The following HS3ST3A1 variants were observed in gnomAD, a reference collection of about 807,000 sequenced individuals.
HS3ST3A1 encodes heparan sulfate-glucosamine 3-sulfotransferase 3A1.
A neutral mutation model predicts 25.7 loss-of-function variants in HS3ST3A1; 19 were observed. The observed-to-expected ratio is 0.74, with a 90% CI of 0.52 to 1.08. HS3ST3A1 has a LOEUF of 1.08. HS3ST3A1 is among the 50% of genes least tolerant of loss of function. The pLI is 0.00. For missense variants in HS3ST3A1, 459 were observed against 594.3 expected (o/e 0.77, Z 2.37); for synonymous variants, 226 against 278.6 (o/e 0.81, Z 1.88).
chr17:13,533,933 T>G (rs374350188), intron 1 of HS3ST3A1, among the ~76,000 whole-genome samples: 5 of 152,214 alleles, frequency 3.3e-5, no homozygotes, highest in South Asian at 4.1e-4. Context: ...GAGAAAGAAA[T>G]TAGGATGAAT....
At chr17:13,577,867 G>GGTGTGTGTGTGTGTGT (rs202098377) in intron 1 of HS3ST3A1, among the ~76,000 whole-genome samples, 3 of 151,072 alleles carry the variant, frequency 2.0e-5, no homozygotes, top group South Asian at 2.1e-4. Flanking sequence ...AGCAGTTTCT[G>GGTGTGTGTGTGTGTGT]GTGTGTGTGT....
At chr17:13,500,825 C>G (rs1038311640) in intron 1 of HS3ST3A1, among the ~76,000 whole-genome samples, 1 of 152,162 alleles carries the variant, frequency 6.6e-6, no homozygotes, top group Admixed American at 6.5e-5. Context: ...TTCTTCTCCC[C>G]ATAGAACTCA....
In HS3ST3A1 at chr17:13,600,566, G is replaced by C; in HGVS notation, c.564C>G (p.Phe188Leu). ...CGAGGCCCTTGTCGTAGCTGCGGTC[G>C]AAGAAGTGGGGCTCGGCGCCCACGG... ...VRAVGAEPHF[F>L]DRSYDKGLAW... Residue 188 changes from phenylalanine (F) to leucine (L), a missense_variant, in exon 1 of 2, where the codon TTC becomes TTG. Transcript: ENST00000284110. 4 of 1,602,198 alleles carry C rather than the reference G, an allele frequency of 2.5e-6. No homozygotes were observed. Among genetic ancestry groups the C allele is most frequent in the Non-Finnish European group, 3.4e-6 (4 of 1,178,484 alleles).
At chr17:13,543,228 A>T (rs1207395629) in intron 1 of HS3ST3A1, among the ~76,000 whole-genome samples, 1 of 152,158 alleles carries the variant, frequency 6.6e-6, no homozygotes, top group African/African-American at 2.4e-5. Flanking sequence ...TCAGAGGTAT[A>T]CTAATCGCAA....
chr17:13,598,564 T>G (rs1908641129), intron 1 of HS3ST3A1, among the ~76,000 whole-genome samples: 1 of 152,244 alleles, frequency 6.6e-6, no homozygotes, highest in Non-Finnish European at 1.5e-5. Context: ...TAAATTGCTT[T>G]ACAAAACTCT....
At chr17:13,504,158 C>G (rs1905579881) in intron 1 of HS3ST3A1, among the ~76,000 whole-genome samples, 1 of 151,820 alleles carries the variant, frequency 6.6e-6, no homozygotes, top group Non-Finnish European at 1.5e-5. Flanking sequence ...CCAAAAAATA[C>G]AAAAATTAGC....
chr17:13,593,550 C>T (rs1003617801), intron 1 of HS3ST3A1, among the ~76,000 whole-genome samples: 20 of 152,040 alleles, frequency 1.3e-4, no homozygotes, highest in African/African-American at 4.6e-4. Flanking sequence ...AGGTGCGGGG[C>T]AGGGGAGGGG....
At chr17:13,554,647 C>T (rs1255151319) in intron 1 of HS3ST3A1, among the ~76,000 whole-genome samples, 2 of 152,162 alleles carry the variant, frequency 1.3e-5, no homozygotes. Flanking sequence ...CCAGACCTAC[C>T]AAGGCAATCT....
At chr17:13,507,121 A>G (rs982424147) in intron 1 of HS3ST3A1, among the ~76,000 whole-genome samples, 3 of 152,068 alleles carry the variant, frequency 2.0e-5, no homozygotes, top group East Asian at 1.9e-4. Flanking sequence ...GATGAAGTTC[A>G]TAGTCATGGA....
chr17:13,584,503 GAAGGAAGGAAGGAAAA>G (rs1413703941), intron 1 of HS3ST3A1, among the ~76,000 whole-genome samples: 8 of 141,588 alleles, frequency 5.7e-5, no homozygotes, highest in African/African-American at 1.1e-4. Flanking sequence ...GGGAGGCAAA[GAAGGAAGGAAGGAAAA>G]AAGGAAGGAA....
At position 13,506,431 on chromosome 17, in the gene HS3ST3A1, G is replaced by A. The variant is rs192061713; in HGVS notation, c.600-9613C>T. ...TAACTTGTCATATTTAGAGCTCTGC[G>A]TAGCATCATGCTGCTGTGCTCTGAA... On this transcript the variant is annotated intron_variant, in intron 1 of 1. Transcript: ENST00000284110. 1.1e-3 allele frequency among the ~76,000 whole-genome samples: 175 copies of A among 152,240 alleles called. 1 individual carries two copies. Among genetic ancestry groups the A allele is most frequent in the Admixed American group, 4.2e-3 (65 of 15,296 alleles).
chr17:13,499,541 T>C (rs1905391870), intron 1 of HS3ST3A1, among the ~76,000 whole-genome samples: 1 of 150,426 alleles, frequency 6.6e-6, no homozygotes, highest in Admixed American at 6.7e-5. Flanking sequence ...ACCAGTAAAA[T>C]AGAGAGAGAA....
At chr17:13,513,507 G>A (rs1174238443) in intron 1 of HS3ST3A1, among the ~76,000 whole-genome samples, 1 of 152,072 alleles carries the variant, frequency 6.6e-6, no homozygotes, top group Non-Finnish European at 1.5e-5. Flanking sequence ...CTCAACCACC[G>A]CTCCGATATA....
intron 1 of HS3ST3A1, among the ~76,000 whole-genome samples, chr17:13,558,935 T>A (rs1907453281): frequency 6.6e-6 from 1 of 152,238 alleles, no homozygotes; most frequent in African/African-American, 2.4e-5. Flanking sequence ...GGTTTAAGGC[T>A]TGAGCTCAGG....
At chr17:13,554,818 C>T (rs1178063169) in intron 1 of HS3ST3A1, among the ~76,000 whole-genome samples, 1 of 152,124 alleles carries the variant, frequency 6.6e-6, no homozygotes, top group Non-Finnish European at 1.5e-5. Flanking sequence ...CTCCACCATA[C>T]CCTCCACCCC....
At chr17:13,585,070 C>T (rs1908214828) in intron 1 of HS3ST3A1, among the ~76,000 whole-genome samples, 1 of 152,002 alleles carries the variant, frequency 6.6e-6, no homozygotes, top group African/African-American at 2.4e-5. Context: ...ACCATCCTCC[C>T]ATCCTCATTA....
At chr17:13,498,108 C>G (rs1905340275) in intron 1 of HS3ST3A1, among the ~76,000 whole-genome samples, 1 of 152,170 alleles carries the variant, frequency 6.6e-6, no homozygotes, top group Non-Finnish European at 1.5e-5. Flanking sequence ...TATAAATCCC[C>G]TCATTTCTGC....
intron 1 of HS3ST3A1, among the ~76,000 whole-genome samples, chr17:13,557,246 T>G (rs1907408344): frequency 6.6e-6 from 1 of 152,200 alleles, no homozygotes; most frequent in Non-Finnish European, 1.5e-5. Context: ...AAGAATGGAT[T>G]TTTCATCAGC....
chr17:13,523,104 T>A (rs1476195616), intron 1 of HS3ST3A1, among the ~76,000 whole-genome samples: 2 of 152,130 alleles, frequency 1.3e-5, no homozygotes, highest in African/African-American at 4.8e-5. Context: ...AGACAGAGGA[T>A]GAACTAGGTC....
Sources: gnomAD v4.1 joint callset for allele counts (sites outside exome capture counted in the v4.1 genomes callset) on GRCh38, gnomAD v4.1.1 for gene constraint, MANE v1.5 for transcripts, NCBI Gene and HGNC (gene_info 2026-07-23, HGNC 2026-07-21) for gene names.